ADAMTSL1: variants seen among roughly 807,000 people sequenced by gnomAD.
ADAMTSL1 encodes the protein ADAMTS-like protein 1.
ADAMTSL1 carries 126 observed loss-of-function variants against 201.8 expected under a neutral mutation model. The ratio of observed to expected loss-of-function variants is 0.62; its 90% CI spans 0.54 to 0.72. The LOEUF is 0.72. Ranked by LOEUF, ADAMTSL1 falls within the 30% of genes least tolerant of loss-of-function variation. The pLI is 0.00. For synonymous variants in ADAMTSL1, 1,121 were observed against 903.4 expected (o/e 1.24, Z -4.32); for missense variants, 2,679 against 2,277.8 (o/e 1.18, Z -3.59).
At chr9:18,059,197 T>C (rs1469700634) in intron 1 of ADAMTSL1, among the ~76,000 whole-genome samples, 2 of 152,192 alleles carry the variant, frequency 1.3e-5, no homozygotes, top group African/African-American at 4.8e-5. Flanking sequence ...CTCATCACAT[T>C]GTCTCTCCTC....
At chr9:18,355,593 C>T (rs1836183864) in intron 2 of ADAMTSL1, among the ~76,000 whole-genome samples, 1 of 152,192 alleles carries the variant, frequency 6.6e-6, no homozygotes, top group African/African-American at 2.4e-5. Flanking sequence ...CATTCTGTTT[C>T]AGACTAGTCC....
chr9:18,048,493 C>T (rs1219510934), intron 1 of ADAMTSL1, among the ~76,000 whole-genome samples: 1 of 151,966 alleles, frequency 6.6e-6, no homozygotes, highest in East Asian at 1.9e-4. Context: ...AACAAACATA[C>T]CATATATGTA....
At chr9:18,720,912 G>T (rs1464555427) in intron 14 of ADAMTSL1, among the ~76,000 whole-genome samples, 1 of 152,224 alleles carries the variant, frequency 6.6e-6, no homozygotes, top group African/African-American at 2.4e-5. Context: ...GGGCCTGCGG[G>T]TGTCAGTGGG....
chr9:18,287,630 C>T (rs56829040), intron 2 of ADAMTSL1, among the ~76,000 whole-genome samples: 38,811 of 140,470 alleles, frequency 0.28, 6,867 homozygotes, highest in African/African-American at 0.48. Flanking sequence ...TATACATATA[C>T]GCATATATGT....
At chr9:18,784,894 G>A (rs897863916) in intron 19 of ADAMTSL1, among the ~76,000 whole-genome samples, 3 of 152,128 alleles carry the variant, frequency 2.0e-5, no homozygotes, top group South Asian at 2.1e-4. Flanking sequence ...GGTGAGGCGC[G>A]GTGGCTCACG....
intron 2 of ADAMTSL1, among the ~76,000 whole-genome samples, chr9:18,505,238 G>T (rs1434039682): frequency 2.0e-5 from 3 of 152,192 alleles, no homozygotes; most frequent in Admixed American, 2.0e-4. Context: ...TTCATGTTAG[G>T]ACTGGAAGGA....
chr9:18,101,513 A>C (rs925195329), intron 1 of ADAMTSL1, among the ~76,000 whole-genome samples: 4 of 151,420 alleles, frequency 2.6e-5, no homozygotes, highest in African/African-American at 9.7e-5. Flanking sequence ...AAAAAAAAAG[A>C]AAAGCAAGAA....
intron 2 of ADAMTSL1, among the ~76,000 whole-genome samples, chr9:18,214,739 C>T (rs1272654561): frequency 1.3e-5 from 2 of 152,066 alleles, no homozygotes; most frequent in Admixed American, 6.5e-5. Context: ...AGAGTTACTT[C>T]ATTTGATAAG....
chr9:18,610,238 A>G (rs1456296075), intron 4 of ADAMTSL1, among the ~76,000 whole-genome samples: 1 of 152,222 alleles, frequency 6.6e-6, no homozygotes, highest in Non-Finnish European at 1.5e-5. Context: ...GTGACAGAGT[A>G]AAAATTATAT....
intron 10 of ADAMTSL1, among the ~76,000 whole-genome samples, chr9:18,678,080 T>G (rs572737514): frequency 6.6e-6 from 1 of 152,204 alleles, no homozygotes; most frequent in East Asian, 1.9e-4. Context: ...AGTCCTTGAC[T>G]GTAACACATA....
At chr9:18,289,824 C>A (rs984228526) in intron 2 of ADAMTSL1, among the ~76,000 whole-genome samples, 2 of 152,182 alleles carry the variant, frequency 1.3e-5, no homozygotes, top group African/African-American at 4.8e-5. Context: ...CTCTTGACTT[C>A]TCAAGACAGG....
At chr9:18,806,885 T>G (rs1823160089) in intron 20 of ADAMTSL1, among the ~76,000 whole-genome samples, 1 of 152,200 alleles carries the variant, frequency 6.6e-6, no homozygotes, top group Non-Finnish European at 1.5e-5. Context: ...CTTCACATCC[T>G]TGGATGCTGA....
chr9:17,980,327 C>T (rs1818635947), intron 1 of ADAMTSL1, among the ~76,000 whole-genome samples: 1 of 152,128 alleles, frequency 6.6e-6, no homozygotes, highest in Non-Finnish European at 1.5e-5. Context: ...CCCCCCACCA[C>T]ATCTCTTTTT....
intron 1 of ADAMTSL1, among the ~76,000 whole-genome samples, chr9:18,000,837 C>T (rs1180927195): frequency 6.6e-6 from 1 of 152,036 alleles, no homozygotes; most frequent in African/African-American, 2.4e-5. Context: ...ACAGGGACTA[C>T]AGTAAATCTC....
intron 3 of ADAMTSL1, among the ~76,000 whole-genome samples, chr9:18,564,038 T>C (rs1334930281): frequency 6.6e-6 from 1 of 152,180 alleles, no homozygotes; most frequent in Non-Finnish European, 1.5e-5. Context: ...GTCATGCTGA[T>C]ATTCCAGGCG....
At position 17,959,622 on chromosome 9, in the gene ADAMTSL1, C is replaced by G. The variant is rs1269916484; in HGVS notation, c.87+52700C>G. ...TACAGGCGCCTGCCACCATGCCTGG[C>G]TAATTTTGTATTTTTAGTAGAGACA... On this transcript the variant is annotated intron_variant, in intron 1 of 29. Transcript: ENST00000680146. 3.3e-5 allele frequency among the ~76,000 whole-genome samples: 5 copies of G among 152,110 alleles called. No homozygotes were observed. In the South Asian group the frequency reaches 1.0e-3, roughly 32 times the overall value.
chr9:18,383,918 T>A (rs2133193356), intron 2 of ADAMTSL1, among the ~76,000 whole-genome samples: 1 of 152,274 alleles, frequency 6.6e-6, no homozygotes, highest in East Asian at 1.9e-4. Context: ...CAGATTCTGA[T>A]TCAGTAGGTC....
chr9:17,970,069 T>A (rs1475744644), intron 1 of ADAMTSL1, among the ~76,000 whole-genome samples: 1 of 152,088 alleles, frequency 6.6e-6, no homozygotes, highest in Non-Finnish European at 1.5e-5. Flanking sequence ...TATATTCAGA[T>A]GCCTGCTCTA....
intron 1 of ADAMTSL1, among the ~76,000 whole-genome samples, chr9:17,909,904 C>G (rs1393509041): frequency 1.5e-5 from 1 of 66,224 alleles, no homozygotes; most frequent in African/African-American, 3.0e-5. Context: ...GTGGGTGCAG[C>G]GCACCAGCAT....
Sources: gnomAD v4.1 joint callset for allele counts (sites outside exome capture counted in the v4.1 genomes callset) on GRCh38, gnomAD v4.1.1 for gene constraint, MANE v1.5 for transcripts, NCBI Gene and HGNC (gene_info 2026-07-23, HGNC 2026-07-21) for gene names.